The following CAMK2D variants were observed in gnomAD, a reference collection of about 807,000 sequenced individuals.
The protein encoded by CAMK2D is calcium/calmodulin-dependent protein kinase type II subunit delta.
CAMK2D carries 37 observed loss-of-function variants against 84.0 expected under a neutral mutation model. That is an observed-to-expected ratio of 0.44 (90% CI 0.34 to 0.58). The LOEUF is 0.58. Among genes scored for constraint, CAMK2D ranks in the 20% least tolerant of loss-of-function variants. The pLI is 0.02. For missense variants in CAMK2D, 448 were observed against 652.5 expected, an observed-to-expected ratio of 0.69 and a Z score of 3.41; for synonymous variants, 202 against 212.5, an observed-to-expected ratio of 0.95 and a Z score of 0.43.
At chr4:113,686,792 G>A (rs895914938) in intron 2 of CAMK2D, among the ~76,000 whole-genome samples, 4 of 151,700 alleles carry the variant, frequency 2.6e-5, no homozygotes, top group South Asian at 2.1e-4. Flanking sequence ...GAGATTTTAC[G>A]CCAAGCTTTC....
intron 4 of CAMK2D, among the ~76,000 whole-genome samples, chr4:113,583,667 A>G (rs2098821049): frequency 6.6e-6 from 1 of 152,146 alleles, no homozygotes; most frequent in Non-Finnish European, 1.5e-5. Context: ...TTGAAATGGG[A>G]CCCCTTAAAA....
intron 5 of CAMK2D, among the ~76,000 whole-genome samples, 151 bp from the exon 6 acceptor site, chr4:113,547,867 G>C (rs2098595085): frequency 6.6e-6 from 1 of 152,232 alleles, no homozygotes; most frequent in South Asian, 2.1e-4. Flanking sequence ...TGCTCAAGTA[G>C]AGTGACTACT....
At chr4:113,757,720 T>A (rs755919210) in intron 2 of CAMK2D, among the ~76,000 whole-genome samples, 31 of 152,030 alleles carry the variant, frequency 2.0e-4, no homozygotes, top group Non-Finnish European at 4.1e-4. Context: ...TATGAGCAAG[T>A]AAGGAAACAC....
chr4:113,465,430 G>C, intron 17 of CAMK2D, 99 bp downstream of exon 17: 1 of 739,970 alleles, frequency 1.4e-6, no homozygotes, highest in Non-Finnish European at 2.3e-6. Context: ...ATCAAACCTT[G>C]AATTAAATAT....
At chr4:113,537,693 G>A (rs1345423115) in intron 6 of CAMK2D, among the ~76,000 whole-genome samples, 1 of 152,154 alleles carries the variant, frequency 6.6e-6, no homozygotes. Context: ...TACACTTGGG[G>A]AGGGATCAAA....
chr4:113,616,946 T>C (rs1338053448), intron 3 of CAMK2D, among the ~76,000 whole-genome samples: 1 of 152,190 alleles, frequency 6.6e-6, no homozygotes, highest in African/African-American at 2.4e-5. Context: ...GGTAATTTCA[T>C]TTCTTGGAAA....
At chr4:113,658,245 C>A (rs1592608325) in intron 3 of CAMK2D, among the ~76,000 whole-genome samples, 2 of 152,232 alleles carry the variant, frequency 1.3e-5, no homozygotes, top group East Asian at 3.9e-4. Context: ...TGAATAAACA[C>A]AACACTGTCA....
intron 11 of CAMK2D, 148 bp downstream of exon 11, chr4:113,513,682 T>C (rs532547198): frequency 3.3e-6 from 2 of 613,184 alleles, no homozygotes; most frequent in East Asian, 5.6e-5. Context: ...CTGGTGTATA[T>C]TCCATTTCCC....
chr4:113,626,708 T>C (rs575152972), intron 3 of CAMK2D, among the ~76,000 whole-genome samples: 6 of 152,288 alleles, frequency 3.9e-5, no homozygotes, highest in African/African-American at 1.4e-4. Flanking sequence ...CTCCATTCCT[T>C]GCAGGCAAAT....
intron 3 of CAMK2D, among the ~76,000 whole-genome samples, chr4:113,616,222 G>A (rs2099020442): frequency 6.6e-6 from 1 of 152,022 alleles, no homozygotes; most frequent in African/African-American, 2.4e-5. Context: ...ATTATTATAT[G>A]AAAACTTCAT....
At chr4:113,590,306 T>C (rs935545045) in intron 4 of CAMK2D, among the ~76,000 whole-genome samples, 10 of 152,168 alleles carry the variant, frequency 6.6e-5, no homozygotes, top group Admixed American at 5.2e-4. Context: ...TGATAGTATA[T>C]TGGTTTAATT....
At chr4:113,459,989 A>AT (rs886527130) in intron 18 of CAMK2D, among the ~76,000 whole-genome samples, 158 bp downstream of exon 18, 23 of 151,342 alleles carry the variant, frequency 1.5e-4, no homozygotes, top group South Asian at 1.0e-3. Flanking sequence ...AGCCTGACAT[A>AT]TTTTTTTTTC....
intron 2 of CAMK2D, among the ~76,000 whole-genome samples, chr4:113,668,953 T>A (rs1048821234): frequency 2.0e-5 from 3 of 152,196 alleles, no homozygotes; most frequent in Non-Finnish European, 4.4e-5. Context: ...AGCTGCTGTA[T>A]AATATATTTA....
chr4:113,519,046 A>AATG (rs993213393), intron 8 of CAMK2D, among the ~76,000 whole-genome samples: 2 of 151,572 alleles, frequency 1.3e-5, no homozygotes, highest in Admixed American at 6.6e-5. Flanking sequence ...ATCTAATGAA[A>AATG]ATGATGATAG....
intron 3 of CAMK2D, among the ~76,000 whole-genome samples, chr4:113,631,032 C>T (rs1296708023): frequency 6.6e-6 from 1 of 152,140 alleles, no homozygotes; most frequent in African/African-American, 2.4e-5. Context: ...GTGACAGGGA[C>T]TTCAGAAAAC....
intron 3 of CAMK2D, among the ~76,000 whole-genome samples, chr4:113,644,740 C>G (rs1455089863): frequency 6.6e-6 from 1 of 152,154 alleles, no homozygotes; most frequent in African/African-American, 2.4e-5. Flanking sequence ...GGAAGCAAAG[C>G]AGATCATCAC....
intron 3 of CAMK2D, among the ~76,000 whole-genome samples, chr4:113,630,691 C>T (rs987597638): frequency 5.3e-5 from 8 of 152,150 alleles, no homozygotes; most frequent in African/African-American, 1.9e-4. Context: ...CCACAGCCCT[C>T]GACCACCACA....
At chr4:113,509,373 A>ATTAT (rs1156833927) in intron 13 of CAMK2D, among the ~76,000 whole-genome samples, 2 of 152,190 alleles carry the variant, frequency 1.3e-5, no homozygotes, top group African/African-American at 4.8e-5. Flanking sequence ...AAGACATTTA[A>ATTAT]TTATTTCTAT....
At chr4:113,589,051 G>C (rs1299336818) in intron 4 of CAMK2D, among the ~76,000 whole-genome samples, 1 of 152,180 alleles carries the variant, frequency 6.6e-6, no homozygotes, top group East Asian at 1.9e-4. Context: ...GCCAAGGAAA[G>C]AGGAAGTGCA....
Sources: allele counts gnomAD v4.1 joint callset (sites outside exome capture counted in the v4.1 genomes callset), GRCh38; gene constraint gnomAD v4.1.1; transcripts MANE v1.5; gene names NCBI Gene and HGNC (gene_info 2026-07-23, HGNC 2026-07-21).